The following JAK1 variants were observed in gnomAD, a reference collection of about 807,000 sequenced individuals.
The protein encoded by JAK1 is Janus kinase 1.
In JAK1, 16 loss-of-function variants were observed where a neutral mutation model predicts 136.6. The ratio of observed to expected loss-of-function variants is 0.12; its 90% confidence interval spans 0.08 to 0.18. The LOEUF is 0.18. Among genes scored for constraint, JAK1 ranks in the 10% least tolerant of loss-of-function variants. JAK1 has a pLI of 1.00. For missense variants in JAK1, 859 were observed against 1,450.1 expected, an observed-to-expected ratio of 0.59 and a Z score of 6.62; for synonymous variants, 492 against 519.5, an observed-to-expected ratio of 0.95 and a Z score of 0.72.
intron 1 of JAK1, among the ~76,000 whole-genome samples, chr1:65,056,069 G>A (rs561538587): frequency 9.9e-5 from 15 of 152,260 alleles, no homozygotes; most frequent in African/African-American, 3.4e-4. Flanking sequence ...CTAAACATAA[G>A]GAGTGTTTCA....
chr1:64,864,976 A>C lies in JAK1; in HGVS notation c.991-4T>G. On this transcript the variant is annotated splice_region_variant and splice_polypyrimidine_tract_variant and intron_variant, in intron 7 of 24. Transcript: ENST00000342505. ...TTTCCTTTTCAACAGAAACAACCTG[A>C]TAAGATACATAAAAGGGACAGGGTT... 4 of 1,606,606 alleles carry C rather than the reference A, an allele frequency of 2.5e-6. No homozygotes were observed. Among genetic ancestry groups the C allele is most frequent in the Non-Finnish European group, 3.4e-6 (4 of 1,175,104 alleles).
intron 2 of JAK1, among the ~76,000 whole-genome samples, chr1:65,027,895 A>G (rs1273610434): frequency 1.3e-5 from 2 of 152,198 alleles, no homozygotes; most frequent in African/African-American, 4.8e-5. Flanking sequence ...AGCGTTCTGC[A>G]TTCCTTGCAG....
chr1:64,874,185 G>GGCTA (rs1213193611), intron 4 of JAK1, among the ~76,000 whole-genome samples: 2 of 152,104 alleles, frequency 1.3e-5, no homozygotes, highest in African/African-American at 4.8e-5. Context: ...GATTCCAAGA[G>GGCTA]GCTAGGTGAC....
At chr1:64,935,063 T>C (rs1645764445) in intron 1 of JAK1, among the ~76,000 whole-genome samples, 1 of 152,156 alleles carries the variant, frequency 6.6e-6, no homozygotes. Flanking sequence ...GAAATAGGAA[T>C]GAGGAAGCTT....
intron 2 of JAK1, among the ~76,000 whole-genome samples, chr1:65,015,978 T>C (rs1646889027): frequency 6.6e-6 from 1 of 152,182 alleles, no homozygotes; most frequent in African/African-American, 2.4e-5. Context: ...GAACGAAATG[T>C]GGTATATACA....
At chr1:64,923,870 A>G (rs1645538308) in intron 1 of JAK1, among the ~76,000 whole-genome samples, 2 of 152,182 alleles carry the variant, frequency 1.3e-5, no homozygotes, top group South Asian at 2.1e-4. Context: ...TTATGTCATA[A>G]TGCTCTCCCT....
chr1:64,853,254 C>A (rs529044837), intron 11 of JAK1, among the ~76,000 whole-genome samples: 1 of 152,328 alleles, frequency 6.6e-6, no homozygotes, highest in East Asian at 1.9e-4. Flanking sequence ...GCCTCACACA[C>A]AGGCCTTATT....
chr1:64,874,276 A>C (rs1189904242), intron 4 of JAK1, among the ~76,000 whole-genome samples: 1 of 152,152 alleles, frequency 6.6e-6, no homozygotes, highest in Non-Finnish European at 1.5e-5. Flanking sequence ...AAGTCCATTC[A>C]TACACAGATT....
chr1:64,947,606 C>A (rs1417619598), intron 1 of JAK1, among the ~76,000 whole-genome samples: 1 of 144,978 alleles, frequency 6.9e-6, no homozygotes, highest in Non-Finnish European at 1.5e-5. Flanking sequence ...CCCCTTAAGA[C>A]ATAGGCCAAT....
intron 1 of JAK1, among the ~76,000 whole-genome samples, chr1:65,055,216 C>T (rs915074385): frequency 3.3e-5 from 5 of 152,168 alleles, no homozygotes; most frequent in African/African-American, 9.7e-5. Context: ...ATGAATTTAA[C>T]GACTCTAGGA....
chr1:65,002,125 AT>A (rs1244810924), intron 2 of JAK1, among the ~76,000 whole-genome samples: 1 of 152,232 alleles, frequency 6.6e-6, no homozygotes, highest in Non-Finnish European at 1.5e-5. Flanking sequence ...ATGCTGTCCA[AT>A]ATGTATGTAT....
chr1:64,933,110 A>C (rs1457352657), intron 1 of JAK1, among the ~76,000 whole-genome samples: 4 of 152,220 alleles, frequency 2.6e-5, no homozygotes, highest in South Asian at 4.2e-4. Context: ...CATCATGCCA[A>C]ATGTTTTATA....
At chr1:64,914,712 C>T (rs1022448835) in intron 1 of JAK1, among the ~76,000 whole-genome samples, 1 of 152,062 alleles carries the variant, frequency 6.6e-6, no homozygotes, top group Admixed American at 6.5e-5. Flanking sequence ...TACAGGTGTG[C>T]ACCACCATGC....
At chr1:65,028,517 G>C (rs1225104405) in intron 2 of JAK1, among the ~76,000 whole-genome samples, 1 of 151,408 alleles carries the variant, frequency 6.6e-6, no homozygotes, top group Non-Finnish European at 1.5e-5. Flanking sequence ...GGGAGGGACT[G>C]GTATAACCAC....
At chr1:64,973,950 T>C (rs1160035091) in intron 2 of JAK1, 1 of 152,154 alleles carries the variant, frequency 6.6e-6, no homozygotes, top group Non-Finnish European at 1.5e-5. Flanking sequence ...ATAATAAAAA[T>C]TCAATAGATA....
chr1:64,939,903 T>C (rs1468919210), intron 1 of JAK1, among the ~76,000 whole-genome samples: 1 of 152,258 alleles, frequency 6.6e-6, no homozygotes, highest in Non-Finnish European at 1.5e-5. Flanking sequence ...GATGCAAATA[T>C]ACTCCTGTGT....
intron 12 of JAK1, among the ~76,000 whole-genome samples, chr1:64,848,321 G>A (rs1655372267): frequency 6.6e-6 from 1 of 152,164 alleles, no homozygotes. Flanking sequence ...GCACAGGTAG[G>A]CACAGTTTCT....
intron 2 of JAK1, among the ~76,000 whole-genome samples, chr1:64,884,898 T>C (rs1570704906): frequency 1.3e-5 from 2 of 152,156 alleles, no homozygotes; most frequent in East Asian, 1.9e-4. Flanking sequence ...CATTTTTCTC[T>C]ATATCCGTAA....
intron 1 of JAK1, among the ~76,000 whole-genome samples, chr1:65,061,964 G>A (rs191912113): frequency 9.1e-4 from 138 of 152,196 alleles, no homozygotes; most frequent in African/African-American, 3.3e-3. Context: ...GATTAGAGAA[G>A]AGGTGTCATC....
Sources: gnomAD v4.1 joint callset for allele counts (sites outside exome capture counted in the v4.1 genomes callset) on GRCh38, gnomAD v4.1.1 for gene constraint, MANE v1.5 for transcripts, NCBI Gene and HGNC (gene_info 2026-07-23, HGNC 2026-07-21) for gene names.